Variants in MMP13 observed in about 807,000 individuals in gnomAD.
MMP13 encodes the protein matrix metallopeptidase 13, also known as collagenase 3.
Under a neutral mutation model 52.1 loss-of-function variants are expected in MMP13, and 45 were observed. The observed-to-expected ratio is 0.86, with a 90% CI of 0.68 to 1.11. The LOEUF (loss-of-function observed/expected upper bound fraction) is 1.11, where lower values mean the gene tolerates loss of function less well. Among genes scored for constraint, MMP13 ranks in the 50% least tolerant of loss-of-function variants. The pLI, the probability that MMP13 is intolerant of heterozygous loss-of-function variation, is 0.00. For synonymous variants in MMP13, 200 were observed against 204.4 expected, an observed-to-expected ratio of 0.98 and a Z score of 0.18; for missense variants, 576 against 583.8, an observed-to-expected ratio of 0.99 and a Z score of 0.14.
chr11:102,954,532 G>T lies in MMP13; in HGVS notation c.437C>A (p.Ser146Tyr). The T allele has an allele frequency of 6.2e-7, 1 of 1,613,590 alleles. No individual in the cohort carries two copies. The highest frequency in any genetic ancestry group is 8.5e-7 in the Non-Finnish European group (1 of 1,179,660). The change falls in exon 3 of 10, where the codon TCC becomes TAC. Residue 146 changes from serine to tyrosine, a missense_variant. Coordinates refer to ENST00000260302, the MANE Select transcript of MMP13 (RefSeq NM_002427.4). ...KAFKKAFKVW[S>Y]DVTPLNFTRL... ...GGTAAAATTCAGAGGAGTTACATCG[G>T]ACCAAACTTTGAAGGCTTTTTTGAA...
Position 102,955,721 on chromosome 11 carries a change from C to T in MMP13, c.-16G>A. The T allele has an allele frequency of 6.2e-7, 1 of 1,613,732 alleles. No individual in the cohort carries two copies. Among genetic ancestry groups the T allele is most frequent in the East Asian group, 2.2e-5 (1 of 44,878 alleles). ...CTGGATGCATCTTGAATGGTGATGC[C>T]TGGGGACTGTTGTCTTTCCGCAGAG... is the stretch of plus-strand genomic sequence containing the variant. On this transcript the variant is annotated 5_prime_UTR_variant, in exon 1 of 10. Transcript: ENST00000260302. This position sits in a 1 kb window ranked among gnomAD's most constrained non-coding sequence, Gnocchi z 4.9.
Position 102,955,310 on chromosome 11 carries a change from C to T in MMP13, c.304G>A (p.Gly102Ser), listed in dbSNP as rs1860678387. Residue 102 changes from glycine to serine, a missense_variant, in exon 2 of 10, where the codon GGT becomes AGT. Coordinates refer to ENST00000260302, the MANE Select transcript of MMP13 (RefSeq NM_002427.4). The surrounding 1 kb of genome is among the most constrained non-coding windows in gnomAD (Gnocchi z 4.9). ...GTTCGAGGGAAAACATTGTATTCACCCACATCAGGAACCCCGCATCTTGGC... is the reference window on the plus strand; with the variant it reads ...GTTCGAGGGAAAACATTGTATTCACTCACATCAGGAACCCCGCATCTTGGC... ...KKPRCGVPDV[G>S]EYNVFPRTLK... The T allele has an allele frequency of 6.2e-7, 1 of 1,613,702 alleles. No homozygotes were observed. The highest frequency in any genetic ancestry group is 1.7e-5 in the Admixed American group (1 of 59,974).
chr11:102,947,707 T>G (rs1555016807), intron 8 of MMP13, among the ~76,000 whole-genome samples, 184 bp downstream of exon 8: 1 of 87,472 alleles, frequency 1.1e-5, no homozygotes, highest in Non-Finnish European at 2.3e-5. Context: ...GTGTGTGTGT[T>G]CAAGAGAGCT....
chr11:102,954,176 G>T lies in MMP13; in HGVS notation c.617C>A (p.Thr206Asn), dbSNP rs769733639. ...ATTACCTTTGGAACTACTTGTCCAG[G>T]TTTCATCATCATCAAAATGGGCATC... is the stretch of plus-strand genomic sequence containing the variant. ...GGDAHFDDDE[T>N]WTSSSKGYNL... is the part of the protein sequence containing the mutation. The change falls in exon 4 of 10, where the codon ACC becomes AAC. Residue 206 changes from threonine to asparagine, a missense_variant. Transcript: ENST00000260302. 4.3e-6 allele frequency: 7 copies of T among 1,613,452 alleles called. No individual in the cohort carries two copies. The highest frequency in any genetic ancestry group is 1.1e-5 in the South Asian group (1 of 91,070).
At chr11:102,951,481 G>A (rs1260497817) in intron 5 of MMP13, among the ~76,000 whole-genome samples, 2 of 152,136 alleles carry the variant, frequency 1.3e-5, no homozygotes, top group Non-Finnish European at 2.9e-5. Flanking sequence ...CAAAAATTTG[G>A]AGAATGAAAT....
At position 102,943,197 on chromosome 11, in the gene MMP13, G is replaced by T. The variant is rs1251337060; in HGVS notation, c.*1069C>A. The T allele has an allele frequency of 6.6e-6, 1 of 151,854 alleles. No individual in the cohort carries two copies. The highest frequency in any genetic ancestry group is 1.5e-5 in the Non-Finnish European group (1 of 67,980). 9.4% of individuals were successfully genotyped at this position (151,854 alleles called of 1,614,324 possible). A position where few individuals can be genotyped will look rare whatever the true frequency, so the allele number is the denominator to read the frequency against. On this transcript the variant is annotated 3_prime_UTR_variant, in exon 10 of 10. Transcript: ENST00000260302. ...ATAGGCACTGTGGGAAGTGCTGGGG[G>T]ATTTTTTTAAATGCAGAGAAAAAAA...
At chr11:102,945,241 CAAAA>C (rs61571704) in intron 9 of MMP13, 504 of 622,626 alleles carry the variant, frequency 8.1e-4, no homozygotes, top group South Asian at 2.5e-3. Flanking sequence ...GAGACTCTGT[CAAAA>C]AAAAAAAAAA....
At chr11:102,946,292 C>T (rs542107628) in intron 8 of MMP13, among the ~76,000 whole-genome samples, 360 of 152,328 alleles carry the variant, frequency 2.4e-3, no homozygotes, top group Non-Finnish European at 3.2e-3. Flanking sequence ...CCCACAGCCA[C>T]ACCCTAACCA....
At chr11:102,946,114 AACTTGCACTT>A (rs1277217129) in intron 8 of MMP13, among the ~76,000 whole-genome samples, 5 of 152,350 alleles carry the variant, frequency 3.3e-5, no homozygotes, top group East Asian at 3.9e-4. Context: ...TGTGTAAGAC[AACTTGCACTT>A]ACTTGCACTT....
intron 8 of MMP13, among the ~76,000 whole-genome samples, chr11:102,947,650 AGAGGAATGT>A (rs1422450613): frequency 1.4e-5 from 2 of 147,174 alleles, no homozygotes; most frequent in African/African-American, 2.5e-5. Flanking sequence ...ATGTTTGAGA[AGAGGAATGT>A]TTGAGTATTG....
chr11:102,950,740 C>T (rs1265503127), intron 5 of MMP13, among the ~76,000 whole-genome samples: 3 of 152,118 alleles, frequency 2.0e-5, no homozygotes, highest in Non-Finnish European at 4.4e-5. Flanking sequence ...ATGTGACTTG[C>T]GACATGTTGG....
chr11:102,954,133 G>C, intron 4 of MMP13, 23 bp downstream of exon 4: 1 of 1,612,292 alleles, frequency 6.2e-7, no homozygotes. Flanking sequence ...ACACATAAAT[G>C]ATATCTTTAT....
intron 3 of MMP13, 53 bp downstream of exon 3, chr11:102,954,405 G>T (rs1000556506): frequency 2.6e-5 from 42 of 1,594,520 alleles, no homozygotes; most frequent in Non-Finnish European, 3.5e-5. Context: ...ATTTTAAAAT[G>T]GAACCAAGAA....
At position 102,943,146 on chromosome 11, in the gene MMP13, G is replaced by A. The variant is rs1388108498; in HGVS notation, c.*1120C>T. On this transcript the variant is annotated 3_prime_UTR_variant, in exon 10 of 10. Transcript: ENST00000260302. Reference sequence around the variant, plus strand: ...TGATGGCCGATCATATATTCAATAAGTGCCAAGCACCCTCCCCAAGTATCA... The same window carrying A: ...TGATGGCCGATCATATATTCAATAAATGCCAAGCACCCTCCCCAAGTATCA... 6.6e-6 allele frequency: 1 copy of A among 152,022 alleles called. No homozygotes were observed. Among genetic ancestry groups the A allele is most frequent in the African/African-American group, 2.4e-5 (1 of 41,394 alleles). 9.4% of individuals were successfully genotyped at this position (152,022 alleles called of 1,614,324 possible). A position where few individuals can be genotyped will look rare whatever the true frequency, so the allele number is the denominator to read the frequency against.
In MMP13 at chr11:102,955,370, T is replaced by G. The variant is rs371513455; in HGVS notation, c.244A>C (p.Lys82Gln). 6 of 1,613,932 alleles carry G rather than the reference T, an allele frequency of 3.7e-6. No individual in the cohort carries two copies. Among genetic ancestry groups the G allele is most frequent in the Admixed American group, 1.7e-5 (1 of 59,992 alleles). ...ACATCTAAGGTGTTATCGTCAAGTT[T>G]GCCAGTCACCTCTAAGCCGAAGAAA... ...QSFFGLEVTG[K>Q]LDDNTLDVMK... The change falls in exon 2 of 10, where the codon AAA becomes CAA. Residue 82 changes from lysine to glutamine, a missense_variant. Physicochemically the swap from Lys to Gln is moderately conservative, Grantham distance 53. Coordinates refer to ENST00000260302, the MANE Select transcript of MMP13 (RefSeq NM_002427.4). This position sits in a 1 kb window ranked among gnomAD's most constrained non-coding sequence, Gnocchi z 4.9.
At chr11:102,946,559 T>C (rs771056140) in intron 8 of MMP13, among the ~76,000 whole-genome samples, 2 of 152,132 alleles carry the variant, frequency 1.3e-5, no homozygotes, top group Non-Finnish European at 2.9e-5. Context: ...AATGGGGAAA[T>C]CAAAAGAGGC....
intron 5 of MMP13, among the ~76,000 whole-genome samples, chr11:102,951,370 A>G (rs185363878): frequency 8.1e-4 from 124 of 152,318 alleles, no homozygotes; most frequent in African/African-American, 2.6e-3. Context: ...CATTGGTTAA[A>G]TGGGGAACAA....
Position 102,943,983 on chromosome 11 carries a change from T to C in MMP13, c.*283A>G, listed in dbSNP as rs1172323423. The C allele has an allele frequency of 1.0e-5, 4 of 386,150 alleles. No individual in the cohort carries two copies. Among genetic ancestry groups the C allele is most frequent in the South Asian group, 2.3e-5 (1 of 43,214 alleles). The allele number at this position is 386,150 out of a possible 1,614,324, so 23.9% of individuals were successfully genotyped here. ...AAATTATGCTCTCATTGACAGACCA[T>C]GTGTCCCATTTGTGGTGTGGGAAGT... On this transcript the variant is annotated 3_prime_UTR_variant, in exon 10 of 10. Transcript: ENST00000260302.
intron 8 of MMP13, among the ~76,000 whole-genome samples, chr11:102,946,186 T>G (rs528627706): frequency 1.3e-5 from 2 of 152,320 alleles, no homozygotes; most frequent in East Asian, 3.9e-4. Context: ...ATTTCTGTAC[T>G]AAAAAGTTGT....
Sources: allele counts gnomAD v4.1 joint callset (sites outside exome capture counted in the v4.1 genomes callset), GRCh38; gene constraint gnomAD v4.1.1; non-coding constraint Gnocchi (gnomAD v3.1); transcripts MANE v1.5; gene names NCBI Gene and HGNC (gene_info 2026-07-23, HGNC 2026-07-21).